The following NAV2 variants were observed in gnomAD, a reference collection of about 807,000 sequenced individuals.
The protein encoded by NAV2 is neuron navigator 2, also known as helicase, APC down-regulated 1.
A neutral mutation model predicts 223.2 loss-of-function variants in NAV2; 54 were observed. The observed-to-expected ratio is 0.24, with a 90% CI of 0.19 to 0.30. NAV2 has a LOEUF of 0.30. Among genes scored for constraint, NAV2 ranks in the 10% least tolerant of loss-of-function variants. The pLI is 1.00. For missense variants in NAV2, 2,806 were observed against 3,147.5 expected (o/e 0.89, Z 2.60); for synonymous variants, 1,279 against 1,239.3 (o/e 1.03, Z -0.67).
At chr11:20,099,825 G>GT (rs1336764168) in intron 31 of NAV2, among the ~76,000 whole-genome samples, 2 of 151,982 alleles carry the variant, frequency 1.3e-5, no homozygotes, top group East Asian at 3.9e-4. Flanking sequence ...TGTTCTAGTG[G>GT]TTTTTTCCTG....
intron 11 of NAV2, among the ~76,000 whole-genome samples, chr11:20,000,999 T>A (rs2052486335): frequency 6.6e-6 from 1 of 152,166 alleles, no homozygotes; most frequent in Non-Finnish European, 1.5e-5. Flanking sequence ...CTGAAAACCC[T>A]TTGTGGCTCT....
intron 1 of NAV2, among the ~76,000 whole-genome samples, chr11:19,468,430 G>T (rs1004012818): frequency 2.2e-4 from 33 of 152,122 alleles, no homozygotes; most frequent in African/African-American, 7.7e-4. Flanking sequence ...GTTCCTGGAA[G>T]GCATTCTTTG....
intron 1 of NAV2, among the ~76,000 whole-genome samples, chr11:19,621,402 G>T (rs879338892): frequency 2.1e-4 from 32 of 152,094 alleles, no homozygotes; most frequent in Admixed American, 8.5e-4. Flanking sequence ...TTTTTGGTTG[G>T]CAAGCTAGTA....
intron 1 of NAV2, among the ~76,000 whole-genome samples, chr11:19,356,106 C>T (rs1003511963): frequency 3.3e-5 from 5 of 152,166 alleles, no homozygotes; most frequent in African/African-American, 9.7e-5. Context: ...CTGTAGGGCC[C>T]ACCTGTCTTC....
At chr11:19,707,148 G>T (rs967710391) in intron 1 of NAV2, among the ~76,000 whole-genome samples, 2 of 152,126 alleles carry the variant, frequency 1.3e-5, no homozygotes, top group Non-Finnish European at 2.9e-5. Context: ...TAAAGGCCTA[G>T]GACATTGCTG....
chr11:19,651,959 G>A (rs2047981169), intron 1 of NAV2, among the ~76,000 whole-genome samples: 1 of 152,178 alleles, frequency 6.6e-6, no homozygotes, highest in African/African-American at 2.4e-5. Flanking sequence ...TGAAGGATGA[G>A]TATTTAGATA....
intron 1 of NAV2, among the ~76,000 whole-genome samples, chr11:19,803,810 A>C (rs941180790): frequency 6.6e-6 from 1 of 152,226 alleles, no homozygotes; most frequent in African/African-American, 2.4e-5. Flanking sequence ...AGCTTGAAAA[A>C]GGCAAGTTAA....
chr11:19,494,195 T>A (rs185627773), intron 1 of NAV2, among the ~76,000 whole-genome samples: 2 of 152,198 alleles, frequency 1.3e-5, no homozygotes, highest in Admixed American at 1.3e-4. Context: ...AAGAGGGCCA[T>A]GGATTGAGCC....
intron 1 of NAV2, among the ~76,000 whole-genome samples, chr11:19,734,967 A>G (rs1054347661): frequency 8.5e-5 from 13 of 152,202 alleles, no homozygotes; most frequent in African/African-American, 3.1e-4. Context: ...CAGCCAAGCT[A>G]GAGTTGGAGC....
chr11:19,571,571 T>C (rs1242070136), intron 1 of NAV2, among the ~76,000 whole-genome samples: 1 of 152,086 alleles, frequency 6.6e-6, no homozygotes, highest in Non-Finnish European at 1.5e-5. Context: ...CCAGGAGTGT[T>C]GGCATGTGCC....
chr11:20,065,847 A>G (rs1376225006), intron 20 of NAV2, among the ~76,000 whole-genome samples: 2 of 152,238 alleles, frequency 1.3e-5, no homozygotes, highest in Non-Finnish European at 2.9e-5. Flanking sequence ...CATTCTCACC[A>G]TTAACTTGTA....
rs1181514014 is a variant in NAV2, at chr11:19,763,713, AAAG to A, written c.267+49753_267+49755del. ...TCCATGGGAGACTGTTAAGGAAAAAAAAGAGGTAACATTCACAGACTATGGGAA... is the reference window on the plus strand; with the variant it reads ...TCCATGGGAGACTGTTAAGGAAAAAAAGGTAACATTCACAGACTATGGGAA... On this transcript the variant is annotated intron_variant, in intron 1 of 37. Transcript: ENST00000349880. Among the ~76,000 whole-genome samples, 18 of 152,246 alleles carry A rather than the reference AAAG, an allele frequency of 1.2e-4. 1 individual carries two copies. The highest frequency in any genetic ancestry group is 8.8e-5 in the Non-Finnish European group (6 of 68,046).
intron 1 of NAV2, among the ~76,000 whole-genome samples, chr11:19,687,012 C>G (rs2049042676): frequency 6.6e-6 from 1 of 152,202 alleles, no homozygotes; most frequent in Non-Finnish European, 1.5e-5. Context: ...GGTCACATGA[C>G]TAGAAAGTGG....
intron 1 of NAV2, among the ~76,000 whole-genome samples, chr11:19,491,274 T>A (rs920924279): frequency 6.6e-6 from 1 of 152,206 alleles, no homozygotes; most frequent in East Asian, 1.9e-4. Flanking sequence ...AAGCCAGCCA[T>A]TGAGTCTCCT....
intron 26 of NAV2, among the ~76,000 whole-genome samples, chr11:20,083,428 T>A (rs2060217123): frequency 6.6e-6 from 1 of 152,218 alleles, no homozygotes; most frequent in African/African-American, 2.4e-5. Flanking sequence ...TTACTTAAAT[T>A]CTCTTTGTTT....
At chr11:19,757,308 G>T (rs997499153) in intron 1 of NAV2, among the ~76,000 whole-genome samples, 2 of 152,058 alleles carry the variant, frequency 1.3e-5, no homozygotes, top group African/African-American at 4.8e-5. Flanking sequence ...ACGCGTGTGT[G>T]GAGGCCTAGG....
At chr11:19,596,067 T>C (rs11823227) in intron 1 of NAV2, among the ~76,000 whole-genome samples, 10,178 of 152,298 alleles carry the variant, frequency 0.067, 1,150 homozygotes, top group African/African-American at 0.23. Flanking sequence ...AGTCACCCAC[T>C]AAATTGTTTT....
chr11:19,895,999 T>C (rs951283899), intron 6 of NAV2, among the ~76,000 whole-genome samples: 1 of 152,068 alleles, frequency 6.6e-6, no homozygotes, highest in Non-Finnish European at 1.5e-5. Context: ...TTTGTTGTGG[T>C]GGGTGCTGTA....
At chr11:19,807,705 C>A (rs776390010) in intron 1 of NAV2, among the ~76,000 whole-genome samples, 3 of 152,228 alleles carry the variant, frequency 2.0e-5, no homozygotes, top group Non-Finnish European at 4.4e-5. Flanking sequence ...CTGAAGTTCT[C>A]ACCCACCCAC....
Sources: allele counts gnomAD v4.1 joint callset (sites outside exome capture counted in the v4.1 genomes callset), GRCh38; gene constraint gnomAD v4.1.1; transcripts MANE v1.5; gene names NCBI Gene and HGNC (gene_info 2026-07-23, HGNC 2026-07-21).